The following SLC4A1 variants were observed in gnomAD, a reference collection of about 807,000 sequenced individuals.
The protein encoded by SLC4A1 is band 3 anion transport protein.
In SLC4A1, 29 loss-of-function variants were observed where a neutral mutation model predicts 93.1. The ratio of observed to expected loss-of-function variants is 0.31; its 90% CI spans 0.23 to 0.42. The LOEUF is 0.42. Among genes scored for constraint, SLC4A1 ranks in the 20% least tolerant of loss-of-function variants. The pLI is 1.00. For missense variants in SLC4A1, 965 were observed against 1,190.1 expected (o/e 0.81, Z 2.78); for synonymous variants, 469 against 497.2 (o/e 0.94, Z 0.76).
rs558266052 is a variant in SLC4A1, at chr17:44,262,561, A to G, written c.106+75T>C. On this transcript the variant is annotated intron_variant, in intron 3 of 19. Transcript: ENST00000262418. ...TGGGAGGAGGACTGTGGAGAAGGGG[A>G]GAGGACAAGTGCCCCTCCTGTCCCT... 5 of 1,076,172 alleles carry G rather than the reference A, an allele frequency of 4.6e-6. No homozygotes were observed. The Admixed American group carries it at 5.9e-5, about 13-fold the overall frequency. 66.7% of individuals were successfully genotyped at this position (1,076,172 alleles called of 1,614,324 possible). A position where few individuals can be genotyped will look rare whatever the true frequency, so the allele number is the denominator to read the frequency against.
At position 44,255,775 on chromosome 17, in the gene SLC4A1, G is replaced by C. The variant is rs755068723; in HGVS notation, c.1698C>G (p.Pro566=). Residue 566 remains proline, a synonymous_variant, in exon 14 of 20, where the codon CCC becomes CCG. Transcript: ENST00000262418. ...NVLMVPKPQG[P]LPNTALLSLV... ...GGGAGAGGAGGGCTGTGTTGGGCAG[G>C]GGGCCCTGAGGTTTGGGCACCATCA... The C allele has an allele frequency of 8.1e-6, 13 of 1,614,006 alleles. No homozygotes were observed. In the East Asian group the frequency reaches 2.9e-4, roughly 36 times the overall value.
chr17:44,252,047 C>CTTTTTT (rs966641655), intron 17 of SLC4A1, among the ~76,000 whole-genome samples: 2 of 69,100 alleles, frequency 2.9e-5, no homozygotes, highest in African/African-American at 7.0e-5. Context: ...TCCTATGGGT[C>CTTTTTT]TTTTTTTTTT....
chr17:44,255,526 G>T, intron 14 of SLC4A1, 147 bp downstream of exon 14: 1 of 907,240 alleles, frequency 1.1e-6, no homozygotes. Context: ...TGAAACCCTA[G>T]GTAAGGATAG....
At position 44,260,881 on chromosome 17, in the gene SLC4A1, C is replaced by A. The variant is rs2047438522; in HGVS notation, c.169-66G>T. 1.3e-5 allele frequency: 20 copies of A among 1,566,112 alleles called. No homozygotes were observed. The Middle Eastern group carries it at 6.7e-4, about 52-fold the overall frequency. On this transcript the variant is annotated intron_variant, in intron 4 of 19. Coordinates refer to ENST00000262418, the MANE Select transcript of SLC4A1 (RefSeq NM_000342.4). ...CCAGGGCATAGTGGGTGCTCAGCCA[C>A]TCTCGAGAGAGGCTTGTGCTTGTGA...
At chr17:44,260,274 T>C (rs2047430881) in intron 6 of SLC4A1, 130 bp downstream of exon 6, 4 of 1,136,078 alleles carry the variant, frequency 3.5e-6, no homozygotes, top group African/African-American at 1.5e-5. Context: ...ATGGGAGCCA[T>C]AGTGGAGGAA....
In SLC4A1 at chr17:44,251,720, C is replaced by CTTTTTTTTTTTT. The variant is rs67064853; in HGVS notation, c.2312-144_2312-133dup. 812 of 392,346 alleles carry CTTTTTTTTTTTT rather than the reference C, an allele frequency of 2.1e-3. 17 individuals carry two copies. Among genetic ancestry groups the CTTTTTTTTTTTT allele is most frequent in the African/African-American group, 5.6e-3 (184 of 32,782 alleles). 24.3% of individuals were successfully genotyped at this position (392,346 alleles called of 1,614,324 possible). A position where few individuals can be genotyped will look rare whatever the true frequency, so the allele number is the denominator to read the frequency against. On this transcript the variant is annotated intron_variant, in intron 17 of 19. Transcript: ENST00000262418. ...GCCATTTCTTTTTTCCTTTTCTTTTCTTTTTTTTTTTTTTTTTTTGTTTTT... is the reference window on the plus strand; with the variant it reads ...GCCATTTCTTTTTTCCTTTTCTTTTCTTTTTTTTTTTTTTTTTTTTTTTTTTTTTTTGTTTTT...
At position 44,258,624 on chromosome 17, in the gene SLC4A1, C is replaced by G; in HGVS notation, c.877-1G>C. On this transcript the variant is annotated splice_acceptor_variant, in intron 9 of 19. Transcript: ENST00000262418. LOFTEE classifies it high-confidence loss of function. The surrounding 1 kb of genome is among the most constrained non-coding windows in gnomAD (Gnocchi z 6.1). Reference sequence around the variant, plus strand: ...CCATGTAGGCATCTATGCGGAACACCTAGGGGCAGGAGACAGGGTCAGAGC... The same window carrying G: ...CCATGTAGGCATCTATGCGGAACACGTAGGGGCAGGAGACAGGGTCAGAGC... 6.3e-7 allele frequency: 1 copy of G among 1,587,152 alleles called. No individual in the cohort carries two copies. Among genetic ancestry groups the G allele is most frequent in the Non-Finnish European group, 8.6e-7 (1 of 1,167,938 alleles).
rs1455889430 is a variant in SLC4A1 at position 44,254,389 on chromosome 17, C to T, written c.2057+107G>A. ...CTGCTAGTCGGGAGGGCCACACACC[C>T]GCAGGGACTAGCTTGCAGTCCTGGG... On this transcript the variant is annotated intron_variant, in intron 16 of 19. Transcript: ENST00000262418. 34 of 1,070,450 alleles carry T rather than the reference C, an allele frequency of 3.2e-5. 1 individual carries two copies. The highest frequency in any genetic ancestry group is 1.6e-4 in the South Asian group (12 of 74,318). 66.3% of individuals were successfully genotyped at this position (1,070,450 alleles called of 1,614,324 possible). A position where few individuals can be genotyped will look rare whatever the true frequency, so the allele number is the denominator to read the frequency against.
chr17:44,259,143 C>A lies in SLC4A1; in HGVS notation c.876+20G>T. ...AGGTCCCAAGCTTCCCCAGCCCAGC[C>A]CTCTCCGGCCCTTCCTTACCCTCTC... On this transcript the variant is annotated intron_variant, in intron 9 of 19. Coordinates refer to ENST00000262418, the MANE Select transcript of SLC4A1 (RefSeq NM_000342.4). 6.2e-7 allele frequency: 1 copy of A among 1,613,298 alleles called. No individual in the cohort carries two copies. The highest frequency in any genetic ancestry group is 2.2e-5 in the East Asian group (1 of 44,888).
At chr17:44,256,971 T>C (rs942626931) in intron 13 of SLC4A1, among the ~76,000 whole-genome samples, 1 of 151,556 alleles carries the variant, frequency 6.6e-6, no homozygotes, top group Non-Finnish European at 1.5e-5. Flanking sequence ...CAGACACATG[T>C]GCGAGGACAC....
rs748410621 is a variant in SLC4A1, at chr17:44,261,535, A to C, written c.168+40T>G. ...TCCCTGATCAAATGGTGGGTCCCAA[A>C]GGCAGCATGGGAAAGAACGGAGGAG... On this transcript the variant is annotated intron_variant, in intron 4 of 19. Coordinates refer to ENST00000262418, the MANE Select transcript of SLC4A1 (RefSeq NM_000342.4). The C allele has an allele frequency of 1.9e-6, 3 of 1,614,064 alleles. No homozygotes were observed. The South Asian group carries it at 3.3e-5, about 18-fold the overall frequency.
chr17:44,260,941 C>T lies in SLC4A1; in HGVS notation c.169-126G>A, dbSNP rs559023877. 1.4e-4 allele frequency: 148 copies of T among 1,032,198 alleles called. No homozygotes were observed. In the East Asian group the frequency reaches 1.9e-3, roughly 13 times the overall value. The allele number at this position is 1,032,198 out of a possible 1,614,324, so 63.9% of individuals were successfully genotyped here. ...CCCTGTGCTCAAGGGTCCGTAGATA[C>T]GGCTCACACCACTCCCTTATCTCCC... On this transcript the variant is annotated intron_variant, in intron 4 of 19. Transcript: ENST00000262418.
At position 44,249,018 on chromosome 17, in the gene SLC4A1, C is replaced by T; in HGVS notation, c.*1440G>A. On this transcript the variant is annotated 3_prime_UTR_variant, in exon 20 of 20. Transcript: ENST00000262418. ...GGGATTACAGGTGCCTGCCACGAGA[C>T]ACCCAGCTAATTTTTGTATTTTTAG... 1 of 346,946 alleles carries T rather than the reference C, an allele frequency of 2.9e-6. No individual in the cohort carries two copies. The highest frequency in any genetic ancestry group is 5.7e-6 in the Non-Finnish European group (1 of 176,420). The allele number at this position is 346,946 out of a possible 1,614,324, so 21.5% of individuals were successfully genotyped here.
Position 44,253,102 on chromosome 17 carries a change from C to T in SLC4A1, c.2311+16G>A. 6.8e-6 allele frequency: 11 copies of T among 1,607,990 alleles called. No homozygotes were observed. The highest frequency in any genetic ancestry group is 1.7e-5 in the Admixed American group (1 of 60,004). ...GGGCAGGAGGATGGTGAAGACGCGA[C>T]CCAGCTTTCACTCACCCACAAGCAC... is the stretch of plus-strand genomic sequence containing the variant. On this transcript the variant is annotated intron_variant, in intron 17 of 19. Coordinates refer to ENST00000262418, the MANE Select transcript of SLC4A1 (RefSeq NM_000342.4).
At chr17:44,259,031 G>A in intron 9 of SLC4A1, 132 bp downstream of exon 9, 1 of 940,282 alleles carries the variant, frequency 1.1e-6, no homozygotes, top group Non-Finnish European at 1.7e-6. Flanking sequence ...AGGTAGGATA[G>A]CAGCAGCTGG....
intron 1 of SLC4A1, among the ~76,000 whole-genome samples, chr17:44,263,582 C>A (rs554671818): frequency 1.3e-5 from 2 of 152,196 alleles, no homozygotes; most frequent in African/African-American, 4.8e-5. Flanking sequence ...CACCCTCCCC[C>A]CAATACCTCA....
chr17:44,251,688 A>G (rs959365561), intron 17 of SLC4A1, 100 bp from the exon 18 acceptor site: 13 of 855,130 alleles, frequency 1.5e-5, no homozygotes, highest in Non-Finnish European at 2.2e-5. Context: ...CACAGGCACC[A>G]TATGGAGCCA....
intron 16 of SLC4A1, 149 bp from the exon 17 acceptor site, chr17:44,253,520 C>A: frequency 1.0e-6 from 1 of 985,172 alleles, no homozygotes; most frequent in South Asian, 1.7e-5. Flanking sequence ...CCTCCCGCCC[C>A]ATCTTGAGAA....
At chr17:44,266,653 C>T (rs1370363398) in intron 1 of SLC4A1, among the ~76,000 whole-genome samples, 1 of 152,182 alleles carries the variant, frequency 6.6e-6, no homozygotes, top group East Asian at 1.9e-4. Flanking sequence ...AGGGCGCACC[C>T]ATGACCCAGA....
Sources: allele counts gnomAD v4.1 joint callset (sites outside exome capture counted in the v4.1 genomes callset), GRCh38; gene constraint gnomAD v4.1.1; non-coding constraint Gnocchi (gnomAD v3.1); transcripts MANE v1.5; gene names NCBI Gene and HGNC (gene_info 2026-07-23, HGNC 2026-07-21).